Variants in DLGAP1 observed in about 807,000 individuals in gnomAD.
DLGAP1 encodes disks large-associated protein 1.
DLGAP1 carries 11 observed loss-of-function variants against 90.8 expected under a neutral mutation model. That is an observed-to-expected ratio of 0.12 (90% CI 0.08 to 0.20). The LOEUF is 0.20. Among genes scored for constraint, DLGAP1 ranks in the 10% least tolerant of loss-of-function variants. DLGAP1 has a pLI of 1.00. For missense variants in DLGAP1, 1,050 were observed against 1,333.8 expected, an observed-to-expected ratio of 0.79 and a Z score of 3.31; for synonymous variants, 558 against 540.7, an observed-to-expected ratio of 1.03 and a Z score of -0.44.
At chr18:3,720,927 A>T (rs2061958498) in intron 7 of DLGAP1, among the ~76,000 whole-genome samples, 1 of 142,404 alleles carries the variant, frequency 7.0e-6, no homozygotes, top group Admixed American at 7.3e-5. Flanking sequence ...GGCCTGGTAT[A>T]ATCTCAGCTA....
intron 1 of DLGAP1, among the ~76,000 whole-genome samples, chr18:4,415,554 A>G (rs2082881195): frequency 6.6e-6 from 1 of 152,186 alleles, no homozygotes; most frequent in African/African-American, 2.4e-5. Flanking sequence ...ATTCAGCTCA[A>G]GTTTCTAAAA....
At chr18:4,251,177 A>G (rs940412897) in intron 1 of DLGAP1, among the ~76,000 whole-genome samples, 1 of 152,228 alleles carries the variant, frequency 6.6e-6, no homozygotes, top group Admixed American at 6.5e-5. Context: ...AGGGAGAGAT[A>G]GATAGACAGA....
At chr18:3,919,328 G>A (rs183222139) in intron 3 of DLGAP1, among the ~76,000 whole-genome samples, 39 of 152,334 alleles carry the variant, frequency 2.6e-4, no homozygotes, top group African/African-American at 9.1e-4. Flanking sequence ...AAGTGCAAGG[G>A]TAGCAGTCCT....
At chr18:4,271,962 C>T (rs1304106106) in intron 1 of DLGAP1, among the ~76,000 whole-genome samples, 4 of 152,168 alleles carry the variant, frequency 2.6e-5, no homozygotes. Flanking sequence ...AATGGCTCTT[C>T]TGCAAGAGAA....
At chr18:4,355,552 A>G (rs528392100) in intron 1 of DLGAP1, among the ~76,000 whole-genome samples, 1 of 152,234 alleles carries the variant, frequency 6.6e-6, no homozygotes, top group Admixed American at 6.5e-5. Flanking sequence ...TACATACGTG[A>G]TAAAATTAAA....
At chr18:3,633,677 A>G (rs1226744274) in intron 7 of DLGAP1, among the ~76,000 whole-genome samples, 1 of 152,212 alleles carries the variant, frequency 6.6e-6, no homozygotes, top group Admixed American at 6.5e-5. Flanking sequence ...AAGTTCCTTT[A>G]TATTTTGTGA....
intron 1 of DLGAP1, among the ~76,000 whole-genome samples, chr18:4,237,923 T>C (rs900081075): frequency 6.6e-6 from 1 of 152,182 alleles, no homozygotes; most frequent in African/African-American, 2.4e-5. Flanking sequence ...AAGTGAAACA[T>C]TCCGTTAAAT....
At chr18:3,772,507 C>G (rs2064728784) in intron 5 of DLGAP1, among the ~76,000 whole-genome samples, 1 of 139,502 alleles carries the variant, frequency 7.2e-6, no homozygotes, top group African/African-American at 2.7e-5. Context: ...TTAATGAGCT[C>G]CTTGTGTATT....
chr18:4,161,821 G>A (rs1432025102), intron 1 of DLGAP1, among the ~76,000 whole-genome samples: 1 of 152,096 alleles, frequency 6.6e-6, no homozygotes, highest in Non-Finnish European at 1.5e-5. Context: ...AAAGGTTGAT[G>A]GAAGTTTATC....
At chr18:3,580,714 G>A (rs1433166633) in intron 8 of DLGAP1, 15 of 1,613,746 alleles carry the variant, frequency 9.3e-6, no homozygotes, top group Admixed American at 5.0e-5. Flanking sequence ...GTCAACCACA[G>A]GCCTCTCAGG....
At chr18:3,697,662 G>A (rs1395827745) in intron 7 of DLGAP1, among the ~76,000 whole-genome samples, 2 of 152,170 alleles carry the variant, frequency 1.3e-5, no homozygotes, top group Non-Finnish European at 2.9e-5. Flanking sequence ...TGTATATTCT[G>A]TTGATTCAGA....
chr18:4,282,426 T>C (rs965458979), intron 1 of DLGAP1, among the ~76,000 whole-genome samples: 2 of 151,356 alleles, frequency 1.3e-5, no homozygotes, highest in Non-Finnish European at 2.9e-5. Context: ...AAATGATTTG[T>C]GAACAAAGCT....
chr18:3,656,340 C>G (rs139790241), intron 7 of DLGAP1: 1 of 471,864 alleles, frequency 2.1e-6, no homozygotes, highest in East Asian at 3.4e-5. Flanking sequence ...AAATTTTTCA[C>G]TAAAAATGGG....
At chr18:4,331,709 G>A (rs965065397) in intron 1 of DLGAP1, among the ~76,000 whole-genome samples, 4 of 151,634 alleles carry the variant, frequency 2.6e-5, no homozygotes, top group Non-Finnish European at 4.4e-5. Flanking sequence ...ACCACACTTC[G>A]GTTCCTCCTG....
intron 1 of DLGAP1, among the ~76,000 whole-genome samples, chr18:4,197,315 C>T (rs1226298084): frequency 2.6e-5 from 4 of 151,048 alleles, no homozygotes; most frequent in African/African-American, 7.3e-5. Context: ...AGAATCTGAT[C>T]GAGAAGAAGG....
In DLGAP1 at chr18:3,497,768, C is replaced by T. The variant is rs955655558; in HGVS notation, c.*1417G>A. 6 of 152,204 alleles carry T rather than the reference C, an allele frequency of 3.9e-5. No individual in the cohort carries two copies. The highest frequency in any genetic ancestry group is 1.4e-4 in the African/African-American group (6 of 41,446). 9.4% of individuals were successfully genotyped at this position (152,204 alleles called of 1,614,324 possible). A position where few individuals can be genotyped will look rare whatever the true frequency, so the allele number is the denominator to read the frequency against. ...TTCAGCTAGACACCGATGCATACTGCCCATCAATCAAGACTAAAAATCTAA... is the reference window on the plus strand; with the variant it reads ...TTCAGCTAGACACCGATGCATACTGTCCATCAATCAAGACTAAAAATCTAA... On this transcript the variant is annotated 3_prime_UTR_variant, in exon 13 of 13. Transcript: ENST00000315677.
At chr18:4,216,015 T>C (rs749863364) in intron 1 of DLGAP1, among the ~76,000 whole-genome samples, 3 of 152,190 alleles carry the variant, frequency 2.0e-5, no homozygotes, top group Admixed American at 6.6e-5. Flanking sequence ...CTAAATGTAT[T>C]AGTCCATTCT....
In DLGAP1 at chr18:3,499,126, G is replaced by A; in HGVS notation, c.*59C>T. 4.2e-6 allele frequency: 6 copies of A among 1,420,202 alleles called. No individual in the cohort carries two copies. The South Asian group carries it at 8.3e-5, about 20-fold the overall frequency. 88.0% of individuals were successfully genotyped at this position (1,420,202 alleles called of 1,614,324 possible). ...CGGAGGGGGAGAGGCAGCCGGCAGAGGAGCGGCCGGGGGAGGAGGGGACAG... is the reference window on the plus strand; with the variant it reads ...CGGAGGGGGAGAGGCAGCCGGCAGAAGAGCGGCCGGGGGAGGAGGGGACAG... On this transcript the variant is annotated 3_prime_UTR_variant, in exon 13 of 13. Coordinates refer to ENST00000315677, the MANE Select transcript of DLGAP1 (RefSeq NM_004746.4). This position sits in a 1 kb window ranked among gnomAD's most constrained non-coding sequence, Gnocchi z 6.4.
intron 1 of DLGAP1, among the ~76,000 whole-genome samples, chr18:4,214,910 A>C (rs1368673798): frequency 2.0e-5 from 3 of 152,176 alleles, no homozygotes; most frequent in Non-Finnish European, 4.4e-5. Context: ...ATATTAATAC[A>C]ATTCTTGATC....
Sources: gnomAD v4.1 joint callset for allele counts (sites outside exome capture counted in the v4.1 genomes callset) on GRCh38, gnomAD v4.1.1 for gene constraint, Gnocchi (gnomAD v3.1) non-coding constraint, MANE v1.5 for transcripts, NCBI Gene and HGNC (gene_info 2026-07-23, HGNC 2026-07-21) for gene names.